Variants in SLIT2 observed in about 807,000 individuals in gnomAD.
SLIT2 encodes the protein slit homolog 2 protein.
A neutral mutation model predicts 185.7 loss-of-function variants in SLIT2; 41 were observed. That is an observed-to-expected ratio of 0.22 (90% CI 0.17 to 0.29). The LOEUF is 0.29. Among genes scored for constraint, SLIT2 ranks in the 10% least tolerant of loss-of-function variants. The pLI, the probability that SLIT2 is intolerant of heterozygous loss-of-function variation, is 1.00. For synonymous variants in SLIT2, 693 were observed against 680.2 expected (o/e 1.02, Z -0.29); for missense variants, 1,571 against 1,909.0 (o/e 0.82, Z 3.30).
At position 20,256,144 on chromosome 4, in the gene SLIT2, A is replaced by T. The variant is rs140170478; in HGVS notation, c.180-528A>T. ...CAGAATTGTTGGAAGGTAAATGCCT[A>T]TGAATGCAAGTCTTTGAAGTGCAGT... is the stretch of plus-strand genomic sequence containing the variant. On this transcript the variant is annotated intron_variant, in intron 1 of 36. Transcript: ENST00000504154. 5.3e-3 allele frequency among the ~76,000 whole-genome samples: 807 copies of T among 152,318 alleles called. 6 individuals carry two copies. Among genetic ancestry groups the T allele is most frequent in the African/African-American group, 0.018 (741 of 41,574 alleles).
chr4:20,297,659 A>G (rs909022395), intron 4 of SLIT2, among the ~76,000 whole-genome samples: 8 of 149,494 alleles, frequency 5.4e-5, no homozygotes, highest in African/African-American at 2.0e-4. Flanking sequence ...GAGATGCAAT[A>G]TGTATTCTTA....
chr4:20,482,135 TAGTC>T (rs1306359538), intron 6 of SLIT2, among the ~76,000 whole-genome samples: 26 of 151,992 alleles, frequency 1.7e-4, no homozygotes, highest in Admixed American at 9.8e-4. Context: ...GGCAAAACCA[TAGTC>T]AGTGTCACTA....
In SLIT2 at chr4:20,580,068, TA is replaced by T. The variant is rs1284531815; in HGVS notation, c.3089-9575del. ...TATATTATATATTATGTATATATTA[TA>T]TATATATATATATATTTGAGACCGT... On this transcript the variant is annotated intron_variant, in intron 29 of 36. Transcript: ENST00000504154. Among the ~76,000 whole-genome samples, 23 of 32,890 alleles carry T rather than the reference TA, an allele frequency of 7.0e-4. No individual in the cohort carries two copies. The East Asian group carries it at 0.25, about 357-fold the overall frequency. 21.6% of individuals were successfully genotyped at this position (32,890 alleles called of 152,430 possible). A position where few individuals can be genotyped will look rare whatever the true frequency, so the allele number is the denominator to read the frequency against.
chr4:20,268,950 CT>C, intron 4 of SLIT2, 69 bp downstream of exon 4: 1 of 961,728 alleles, frequency 1.0e-6, no homozygotes, highest in Admixed American at 1.7e-5. Flanking sequence ...TATTTTGGAT[CT>C]GTTTGTGTGT....
chr4:20,391,704 G>T (rs1725428998), intron 4 of SLIT2, among the ~76,000 whole-genome samples: 2 of 152,228 alleles, frequency 1.3e-5, no homozygotes, highest in African/African-American at 2.4e-5. Context: ...TTTCTGAGTT[G>T]TAGGTTCTGA....
intron 5 of SLIT2, among the ~76,000 whole-genome samples, chr4:20,478,692 G>T (rs1265164571): frequency 2.6e-5 from 4 of 152,202 alleles, no homozygotes; most frequent in Admixed American, 1.3e-4. Flanking sequence ...AGCATTAAAA[G>T]ATTTTGCCGA....
chr4:20,268,357 A>T (rs1379030286), intron 3 of SLIT2, among the ~76,000 whole-genome samples: 3 of 151,086 alleles, frequency 2.0e-5, no homozygotes, highest in Non-Finnish European at 3.0e-5. Flanking sequence ...TTTTCCTCCC[A>T]ACTAAATGAA....
rs1053185131 is a variant in SLIT2, at chr4:20,486,479, A to C, written c.611+208A>C. 2.6e-4 allele frequency among the ~76,000 whole-genome samples: 39 copies of C among 152,226 alleles called. 1 individual carries two copies. Among genetic ancestry groups the C allele is most frequent in the Admixed American group, 1.3e-3 (20 of 15,286 alleles). ...TTCTTTTAACTGATATGCATTATGG[A>C]AACTTTGGAGTTAAAAAAAAACAAC... is the stretch of plus-strand genomic sequence containing the variant. On this transcript the variant is annotated intron_variant, in intron 7 of 36. Transcript: ENST00000504154.
chr4:20,390,638 G>T (rs1394916112), intron 4 of SLIT2, among the ~76,000 whole-genome samples: 1 of 151,874 alleles, frequency 6.6e-6, no homozygotes, highest in East Asian at 1.9e-4. Flanking sequence ...TAGAAGTAGT[G>T]CTGCTTTAAT....
At chr4:20,483,794 C>T (rs1356788203) in intron 6 of SLIT2, among the ~76,000 whole-genome samples, 1 of 152,014 alleles carries the variant, frequency 6.6e-6, no homozygotes, top group Admixed American at 6.6e-5. Flanking sequence ...TAGACTTACA[C>T]ATGGGAGAAA....
intron 5 of SLIT2, among the ~76,000 whole-genome samples, chr4:20,475,697 T>C (rs1031383757): frequency 2.6e-5 from 4 of 152,170 alleles, no homozygotes; most frequent in African/African-American, 7.2e-5. Flanking sequence ...TATGAATTTA[T>C]TAAACGTTAG....
chr4:20,459,168 A>G (rs1713419791), intron 4 of SLIT2, among the ~76,000 whole-genome samples: 1 of 152,150 alleles, frequency 6.6e-6, no homozygotes, highest in African/African-American at 2.4e-5. Flanking sequence ...GAACAGTCCC[A>G]ATAATCCCTA....
chr4:20,334,914 G>C (rs201303426), intron 4 of SLIT2, among the ~76,000 whole-genome samples: 1 of 152,146 alleles, frequency 6.6e-6, no homozygotes, highest in Non-Finnish European at 1.5e-5. Context: ...CTGAAGTAAG[G>C]CTTTTCATAT....
At chr4:20,326,036 G>A (rs993799941) in intron 4 of SLIT2, among the ~76,000 whole-genome samples, 12 of 152,066 alleles carry the variant, frequency 7.9e-5, no homozygotes, top group Middle Eastern at 3.4e-3. Context: ...TGTTCACCCC[G>A]ATTTACTATT....
chr4:20,444,100 A>G (rs1328276488), intron 4 of SLIT2, among the ~76,000 whole-genome samples: 1 of 152,176 alleles, frequency 6.6e-6, no homozygotes, highest in East Asian at 1.9e-4. Context: ...TATAGATACT[A>G]ATACAGAGGT....
intron 4 of SLIT2, among the ~76,000 whole-genome samples, chr4:20,300,634 C>A (rs1431520547): frequency 1.3e-5 from 2 of 151,822 alleles, no homozygotes; most frequent in Non-Finnish European, 2.9e-5. Context: ...ATATAGACAT[C>A]CTCTTTGTTT....
chr4:20,550,298 G>A (rs1015639906), intron 24 of SLIT2, among the ~76,000 whole-genome samples: 1 of 151,576 alleles, frequency 6.6e-6, no homozygotes, highest in Non-Finnish European at 1.5e-5. Context: ...CCCATTTTCT[G>A]TTGGGTACTT....
chr4:20,605,129 C>CA (rs752103606), intron 33 of SLIT2, among the ~76,000 whole-genome samples: 3 of 152,136 alleles, frequency 2.0e-5, no homozygotes, highest in Non-Finnish European at 4.4e-5. Context: ...CCACCGCACC[C>CA]AGCCCAGATA....
At chr4:20,348,416 T>TTA (rs397944116) in intron 4 of SLIT2, among the ~76,000 whole-genome samples, 20 of 150,968 alleles carry the variant, frequency 1.3e-4, no homozygotes. Flanking sequence ...TTTTTTTTTT[T>TTA]AATATATTTT....
Sources: gnomAD v4.1 joint callset for allele counts (sites outside exome capture counted in the v4.1 genomes callset) on GRCh38, gnomAD v4.1.1 for gene constraint, MANE v1.5 for transcripts, NCBI Gene and HGNC (gene_info 2026-07-23, HGNC 2026-07-21) for gene names.